RBMS3: variants seen among roughly 807,000 people sequenced by gnomAD.
RBMS3 encodes the protein RNA binding motif single stranded interacting protein 3, also known as RNA-binding motif, single-stranded-interacting protein 3.
RBMS3 carries 27 observed loss-of-function variants against 66.8 expected under a neutral mutation model. The ratio of observed to expected loss-of-function variants is 0.40; its 90% CI spans 0.30 to 0.56. The LOEUF (loss-of-function observed/expected upper bound fraction) is 0.56. Among genes scored for constraint, RBMS3 ranks in the 20% least tolerant of loss-of-function variants. The pLI is 0.40. For synonymous variants in RBMS3, 188 were observed against 183.0 expected, an observed-to-expected ratio of 1.03 and a Z score of -0.22; for missense variants, 513 against 549.5, an observed-to-expected ratio of 0.93 and a Z score of 0.66.
At chr3:29,475,188 T>A (rs941213322) in intron 2 of RBMS3, among the ~76,000 whole-genome samples, 2 of 152,076 alleles carry the variant, frequency 1.3e-5, no homozygotes, top group Non-Finnish European at 2.9e-5. Context: ...TTAAGAGGAA[T>A]AATTAGTCAA....
intron 1 of RBMS3, among the ~76,000 whole-genome samples, chr3:29,338,856 G>A (rs564944541): frequency 7.3e-4 from 111 of 152,098 alleles, no homozygotes; most frequent in Non-Finnish European, 1.2e-3. Flanking sequence ...CTTCTGATAC[G>A]GTTTAGAACA....
chr3:29,422,977 A>T (rs2033776), intron 1 of RBMS3, among the ~76,000 whole-genome samples: 4,849 of 152,284 alleles, frequency 0.032, 244 homozygotes, highest in African/African-American at 0.11. Flanking sequence ...AAGCAACAAA[A>T]CTATTTTATG....
At chr3:29,963,775 C>G (rs565907863) in intron 12 of RBMS3, among the ~76,000 whole-genome samples, 11 of 144,630 alleles carry the variant, frequency 7.6e-5, no homozygotes, top group Admixed American at 7.1e-4. Flanking sequence ...TGCAGTGAGC[C>G]AAGATCCCAC....
At chr3:29,695,305 A>T (rs2052216102) in intron 4 of RBMS3, among the ~76,000 whole-genome samples, 1 of 152,202 alleles carries the variant, frequency 6.6e-6, no homozygotes, top group Non-Finnish European at 1.5e-5. Flanking sequence ...ATAAAAAAGG[A>T]TTAGTGATAC....
At chr3:29,357,512 T>G (rs565209177) in intron 1 of RBMS3, among the ~76,000 whole-genome samples, 1 of 152,200 alleles carries the variant, frequency 6.6e-6, no homozygotes, top group Non-Finnish European at 1.5e-5. Context: ...TAAACATACA[T>G]GTGCATGTGT....
intron 1 of RBMS3, among the ~76,000 whole-genome samples, chr3:29,316,060 G>A (rs966255196): frequency 6.6e-6 from 1 of 151,606 alleles, no homozygotes; most frequent in Non-Finnish European, 1.5e-5. Flanking sequence ...TTACCGGGGT[G>A]ATATTAAGAA....
chr3:29,967,568 T>C (rs1696933984), intron 12 of RBMS3, among the ~76,000 whole-genome samples: 1 of 152,216 alleles, frequency 6.6e-6, no homozygotes, highest in African/African-American at 2.4e-5. Flanking sequence ...GTGCTGGGAT[T>C]ACAGGCGTGA....
At chr3:29,870,455 A>G (rs1008768387) in intron 7 of RBMS3, among the ~76,000 whole-genome samples, 1 of 152,202 alleles carries the variant, frequency 6.6e-6, no homozygotes, top group Non-Finnish European at 1.5e-5. Flanking sequence ...CAGAAGATTC[A>G]GTTTCTGTCT....
At chr3:29,608,534 T>G (rs1424391504) in intron 4 of RBMS3, among the ~76,000 whole-genome samples, 1 of 152,060 alleles carries the variant, frequency 6.6e-6, no homozygotes, top group Non-Finnish European at 1.5e-5. Flanking sequence ...TTTTGGCTGA[T>G]AGTCTATTAT....
At chr3:29,951,704 T>A (rs946861752) in intron 12 of RBMS3, among the ~76,000 whole-genome samples, 2 of 151,706 alleles carry the variant, frequency 1.3e-5, no homozygotes, top group Non-Finnish European at 2.9e-5. Flanking sequence ...GGAGTCTTTT[T>A]AAATAGTTTC....
At chr3:29,304,051 A>G (rs1415724574) in intron 1 of RBMS3, among the ~76,000 whole-genome samples, 1 of 152,014 alleles carries the variant, frequency 6.6e-6, no homozygotes, top group Non-Finnish European at 1.5e-5. Context: ...CCCTCCCACA[A>G]CATATGGGAA....
chr3:29,955,917 T>C (rs1397359653), intron 12 of RBMS3, among the ~76,000 whole-genome samples: 1 of 152,096 alleles, frequency 6.6e-6, no homozygotes, highest in East Asian at 1.9e-4. Context: ...CTGATTTTTC[T>C]CACTTATTTG....
At chr3:29,327,970 T>G (rs1377047076) in intron 1 of RBMS3, among the ~76,000 whole-genome samples, 2 of 152,194 alleles carry the variant, frequency 1.3e-5, no homozygotes, top group African/African-American at 2.4e-5. Context: ...GTGCCTTCCT[T>G]TTTCTTTTAT....
At chr3:29,559,015 GCA>G (rs2046449580) in intron 3 of RBMS3, among the ~76,000 whole-genome samples, 1 of 152,076 alleles carries the variant, frequency 6.6e-6, no homozygotes, top group Non-Finnish European at 1.5e-5. Context: ...ACACAATATT[GCA>G]TAGATAAGTC....
chr3:29,469,525 T>C lies in RBMS3; in HGVS notation c.249-18916T>C, dbSNP rs145881012. ...TTGTTTAATGGGACTCTATAAACCA[T>C]TGAAAATAACAGAATTGCAGTCTCT... On this transcript the variant is annotated intron_variant, in intron 2 of 14. Transcript: ENST00000383767. Among the ~76,000 whole-genome samples, 741 of 152,012 alleles carry C rather than the reference T, an allele frequency of 4.9e-3. 6 individuals are homozygous for C. Among genetic ancestry groups the C allele is most frequent in the African/African-American group, 0.017 (713 of 41,490 alleles).
chr3:29,468,155 T>C (rs1243331055), intron 2 of RBMS3, among the ~76,000 whole-genome samples: 1 of 152,166 alleles, frequency 6.6e-6, no homozygotes, highest in African/African-American at 2.4e-5. Flanking sequence ...TAAATTTGGT[T>C]GCTTTTATAC....
At chr3:29,600,754 T>G (rs2048115859) in intron 4 of RBMS3, among the ~76,000 whole-genome samples, 1 of 152,054 alleles carries the variant, frequency 6.6e-6, no homozygotes, top group Non-Finnish European at 1.5e-5. Context: ...TAAATAGCAT[T>G]TTTTGAAAGC....
At chr3:29,663,405 G>C (rs1200928179) in intron 4 of RBMS3, among the ~76,000 whole-genome samples, 1 of 152,092 alleles carries the variant, frequency 6.6e-6, no homozygotes, top group East Asian at 1.9e-4. Context: ...GACATTTTTG[G>C]ACATGTGTGA....
chr3:29,852,212 G>A (rs1041442158), intron 6 of RBMS3, among the ~76,000 whole-genome samples: 5 of 151,776 alleles, frequency 3.3e-5, no homozygotes, highest in South Asian at 2.1e-4. Flanking sequence ...GTACAACCTC[G>A]AAGACAACCT....
Sources: gnomAD v4.1 joint callset for allele counts (sites outside exome capture counted in the v4.1 genomes callset) on GRCh38, gnomAD v4.1.1 for gene constraint, MANE v1.5 for transcripts, NCBI Gene and HGNC (gene_info 2026-07-23, HGNC 2026-07-21) for gene names.